MLC1: variants seen among roughly 807,000 people sequenced by gnomAD.
MLC1 encodes modulator of VRAC current 1, also known as membrane protein MLC1.
In MLC1, 32 loss-of-function variants were observed where a neutral mutation model predicts 44.7. The ratio of observed to expected loss-of-function variants is 0.72; its 90% CI spans 0.54 to 0.96. The LOEUF is 0.96. MLC1 is among the 40% of genes least tolerant of loss of function. The pLI is 0.00. For missense variants in MLC1, 459 were observed against 492.2 expected, an observed-to-expected ratio of 0.93 and a Z score of 0.64; for synonymous variants, 190 against 213.0, an observed-to-expected ratio of 0.89 and a Z score of 0.94.
intron 9 of MLC1, among the ~76,000 whole-genome samples, chr22:50,069,526 G>A (rs1474352696): frequency 2.6e-5 from 4 of 151,476 alleles, no homozygotes; most frequent in South Asian, 2.1e-4. Context: ...CATGCCTGTA[G>A]TCCCAGCTAC....
Position 50,068,564 on chromosome 22 carries a change from A to G in MLC1, c.772-9T>C. On this transcript the variant is annotated splice_polypyrimidine_tract_variant and intron_variant, in intron 9 of 11. Coordinates refer to ENST00000311597, the MANE Select transcript of MLC1 (RefSeq NM_015166.4). ...GCAATCAGGACCTCCACCTGGAAAA[A>G]AAGCGCGGGTTGCAGGACCACGGCC... The G allele has an allele frequency of 6.2e-7, 1 of 1,612,818 alleles. No individual in the cohort carries two copies. Among genetic ancestry groups the G allele is most frequent in the Non-Finnish European group, 8.5e-7 (1 of 1,179,334 alleles).
Position 50,084,852 on chromosome 22 carries a change from C to A in MLC1, c.51G>T (p.Thr17=), listed in dbSNP as rs2062242234. The change falls in exon 2 of 12, where the codon ACG becomes ACT. Residue 17 remains threonine, a synonymous_variant. Transcript: ENST00000311597. ...CGGGGTCTTGCCGGCCCCGCTCCAG[C>A]GTGGGCATCCGGTCATAGGCCAGCT... ...REELAYDRMP[T]LERGRQDPAS... The A allele has an allele frequency of 3.1e-6, 5 of 1,613,364 alleles. No homozygotes were observed. The highest frequency in any genetic ancestry group is 4.2e-6 in the Non-Finnish European group (5 of 1,180,060).
chr22:50,069,824 G>C (rs2061805305), intron 9 of MLC1, among the ~76,000 whole-genome samples: 3 of 152,256 alleles, frequency 2.0e-5, no homozygotes, highest in African/African-American at 7.2e-5. Context: ...GCCAAGCATG[G>C]GCAGTCACCT....
Position 50,084,857 on chromosome 22 carries a change from G to T in MLC1, c.46C>A (p.Pro16Thr). ...FREELAYDRM[P>T]TLERGRQDPA... ...TCTTGCCGGCCCCGCTCCAGCGTGG[G>T]CATCCGGTCATAGGCCAGCTCCTCT... Residue 16 changes from proline (P) to threonine (T), a missense_variant, in exon 2 of 12, where the codon CCC (proline) becomes ACC (threonine). Coordinates refer to ENST00000311597, the MANE Select transcript of MLC1 (RefSeq NM_015166.4). 6 of 1,613,456 alleles carry T rather than the reference G, an allele frequency of 3.7e-6. No individual in the cohort carries two copies. The highest frequency in any genetic ancestry group is 5.1e-6 in the Non-Finnish European group (6 of 1,180,040).
rs753385977 is a variant in MLC1, at chr22:50,064,111, G to T, written c.982C>A (p.Arg328Ser). 1.2e-6 allele frequency: 2 copies of T among 1,608,728 alleles called. No individual in the cohort carries two copies. Among genetic ancestry groups the T allele is most frequent in the Non-Finnish European group, 8.5e-7 (1 of 1,179,346 alleles). ...TGCAGCCTTGCACTGACCTTGAAGC[G>T]CACGCACTGGATGGCGGTGCCCGTG... is the stretch of plus-strand genomic sequence containing the variant. ...LNTGTAIQCVRFKVSARLQGA... is the reference protein window; with the variant it reads ...LNTGTAIQCVSFKVSARLQGA... The change falls in exon 11 of 12, where the codon CGC becomes AGC. Residue 328 changes from arginine to serine, a missense_variant. Physicochemically the swap from Arg to Ser is moderately radical, Grantham distance 110. Coordinates refer to ENST00000311597, the MANE Select transcript of MLC1 (RefSeq NM_015166.4).
chr22:50,079,500 C>CTTTTTTTTTTT (rs55760839), intron 5 of MLC1, among the ~76,000 whole-genome samples: 3 of 75,820 alleles, frequency 4.0e-5, no homozygotes, highest in African/African-American at 5.2e-5. Context: ...GGATTTTTGT[C>CTTTTTTTTTTT]TTTTTTTTTT....
At chr22:50,079,019 C>T (rs532910860) in intron 5 of MLC1, among the ~76,000 whole-genome samples, 1 of 151,866 alleles carries the variant, frequency 6.6e-6, no homozygotes, top group African/African-American at 2.4e-5. Flanking sequence ...CGCGGTGGCT[C>T]ATACCTGTAA....
chr22:50,082,993 G>A, intron 3 of MLC1, 91 bp downstream of exon 3: 1 of 1,301,432 alleles, frequency 7.7e-7, no homozygotes. Flanking sequence ...TGAGGTACAG[G>A]TGACAGAAAC....
At chr22:50,081,009 A>AAAAGAAAGAAAGAAACAAAGAAAG (rs1555967991) in intron 3 of MLC1, among the ~76,000 whole-genome samples, 1 of 96,740 alleles carries the variant, frequency 1.0e-5, no homozygotes. Context: ...TTGTCTCAAA[A>AAAAGAAAGAAAGAAACAAAGAAAG]AAAGAAAGAA....
chr22:50,083,144 C>T lies in MLC1; in HGVS notation c.207G>A (p.Ser69=), dbSNP rs2062188949. 8 of 1,614,076 alleles carry T rather than the reference C, an allele frequency of 5.0e-6. No homozygotes were observed. Among genetic ancestry groups the T allele is most frequent in the Non-Finnish European group, 6.8e-6 (8 of 1,180,010 alleles). Residue 69 remains serine (S), a synonymous_variant, in exon 3 of 12, where the codon TCG becomes TCA. Coordinates refer to ENST00000311597, the MANE Select transcript of MLC1 (RefSeq NM_015166.4). The surrounding 1 kb of genome is among the most constrained non-coding windows in gnomAD (Gnocchi z 4.6). ...CCGGGAACACGTTCCCCAGGTACAG[C>T]GAAAACCCCGAGGTCACCAGGAGGC... ...GSCLLVTSGF[S]LYLGNVFPAE... is the part of the protein sequence containing the mutation.
intron 5 of MLC1, among the ~76,000 whole-genome samples, chr22:50,079,351 A>C (rs2062059519): frequency 1.3e-5 from 2 of 150,572 alleles, no homozygotes; most frequent in Non-Finnish European, 2.9e-5. Flanking sequence ...GTGTCTGCTC[A>C]TTTTTCCTGC....
In MLC1 at chr22:50,083,940, C is replaced by A. The variant is rs1446554948; in HGVS notation, c.178-767G>T. ...CCACCACCCGGGAGCCGCCTCTGTC[C>A]CCAGCTCCGAGGCAGACGCCTGTCT... On this transcript the variant is annotated intron_variant, in intron 2 of 11. Transcript: ENST00000311597. This position sits in a 1 kb window ranked among gnomAD's most constrained non-coding sequence, Gnocchi z 4.6. Among the ~76,000 whole-genome samples, 7 of 151,954 alleles carry A rather than the reference C, an allele frequency of 4.6e-5. No individual in the cohort carries two copies.
chr22:50,063,996 C>T, intron 11 of MLC1, 38 bp downstream of exon 11: 1 of 1,571,512 alleles, frequency 6.4e-7, no homozygotes, highest in South Asian at 1.1e-5. Flanking sequence ...GTGGGCCACT[C>T]ACCTCCCCAG....
At position 50,059,811 on chromosome 22, in the gene MLC1, G is replaced by C. The variant is rs979052861; in HGVS notation, c.*1772C>G. ...CTGACTGTGTCCTTCCGGAGCTGCC[G>C]AGGACTGCAGAGAGGGCCTGGCTTG... On this transcript the variant is annotated 3_prime_UTR_variant, in exon 12 of 12. Transcript: ENST00000311597. The C allele has an allele frequency of 2.0e-5, 3 of 152,448 alleles. No homozygotes were observed. Among genetic ancestry groups the C allele is most frequent in the African/African-American group, 7.2e-5 (3 of 41,600 alleles). 9.4% of individuals were successfully genotyped at this position (152,448 alleles called of 1,614,324 possible).
chr22:50,075,569 G>T (rs1231285096), intron 7 of MLC1, among the ~76,000 whole-genome samples: 1 of 152,102 alleles, frequency 6.6e-6, no homozygotes, highest in South Asian at 2.1e-4. Flanking sequence ...AATTAGCTGG[G>T]CGTGGTGGCG....
intron 11 of MLC1, among the ~76,000 whole-genome samples, chr22:50,062,267 A>G (rs112742032): frequency 0.079 from 5,280 of 67,162 alleles, 452 homozygotes; most frequent in South Asian, 0.16. Context: ...AGCCCAAGCC[A>G]CCCACCTTGA....
chr22:50,071,517 G>A (rs922362996), intron 8 of MLC1, among the ~76,000 whole-genome samples: 7 of 152,268 alleles, frequency 4.6e-5, no homozygotes, highest in Admixed American at 6.5e-5. Context: ...TGTCACCTCC[G>A]TTACCTGGTC....
intron 3 of MLC1, among the ~76,000 whole-genome samples, chr22:50,081,102 G>C (rs1239554288): frequency 6.7e-6 from 1 of 148,512 alleles, no homozygotes; most frequent in African/African-American, 2.5e-5. Flanking sequence ...CCAGTACTTT[G>C]GGAGGCTGAG....
chr22:50,074,489 A>G, intron 7 of MLC1, 157 bp from the exon 8 acceptor site: 2 of 699,946 alleles, frequency 2.9e-6, no homozygotes, highest in Non-Finnish European at 5.1e-6. Context: ...CCCCAGCCTC[A>G]CCTGGCCCAG....
Sources: gnomAD v4.1 joint callset for allele counts (sites outside exome capture counted in the v4.1 genomes callset) on GRCh38, gnomAD v4.1.1 for gene constraint, Gnocchi (gnomAD v3.1) non-coding constraint, MANE v1.5 for transcripts, NCBI Gene and HGNC (gene_info 2026-07-23, HGNC 2026-07-21) for gene names.